The following RAB27B variants were observed in gnomAD, a reference collection of about 807,000 sequenced individuals.
The protein encoded by RAB27B is RAB27B, member RAS oncogene family.
In RAB27B, 15 loss-of-function variants were observed where a neutral mutation model predicts 24.6. The ratio of observed to expected loss-of-function variants is 0.61; its 90% CI spans 0.41 to 0.94. RAB27B has a LOEUF of 0.94. Among genes scored for constraint, RAB27B ranks in the 40% least tolerant of loss-of-function variants. The pLI is 0.00. For synonymous variants in RAB27B, 105 were observed against 92.5 expected, an observed-to-expected ratio of 1.14 and a Z score of -0.78; for missense variants, 261 against 266.8, an observed-to-expected ratio of 0.98 and a Z score of 0.15.
chr18:54,786,828 T>C (rs1317808598), intron 2 of RAB27B, among the ~76,000 whole-genome samples: 1 of 152,222 alleles, frequency 6.6e-6, no homozygotes, highest in Non-Finnish European at 1.5e-5. Context: ...GACAATTAAA[T>C]TCAGTTCAAT....
chr18:54,837,080 C>T (rs1041368634), intron 1 of RAB27B, among the ~76,000 whole-genome samples: 9 of 149,376 alleles, frequency 6.0e-5, no homozygotes, highest in African/African-American at 2.2e-4. Flanking sequence ...AGATATAGTT[C>T]CTACTCTTAA....
intron 3 of RAB27B, chr18:54,880,086 A>G (rs1021215586): frequency 3.2e-5 from 4 of 124,572 alleles, no homozygotes; most frequent in Non-Finnish European, 7.0e-5. Flanking sequence ...TTAAGGTCTA[A>G]ATAATTATAT....
At chr18:54,762,701 T>A (rs1325999190) in intron 2 of RAB27B, among the ~76,000 whole-genome samples, 1 of 152,168 alleles carries the variant, frequency 6.6e-6, no homozygotes, top group African/African-American at 2.4e-5. Flanking sequence ...GGTGATCTAA[T>A]TGAAAAAATC....
At chr18:54,864,783 C>T (rs1912146035) in intron 1 of RAB27B, among the ~76,000 whole-genome samples, 1 of 152,164 alleles carries the variant, frequency 6.6e-6, no homozygotes. Flanking sequence ...GCCAGTGCTA[C>T]ACTCTCTTGA....
chr18:54,802,600 C>T (rs1054826123), intron 2 of RAB27B, among the ~76,000 whole-genome samples: 2 of 152,178 alleles, frequency 1.3e-5, no homozygotes, highest in African/African-American at 2.4e-5. Flanking sequence ...TTACACTTCC[C>T]TATTTTCCTA....
intron 2 of RAB27B, among the ~76,000 whole-genome samples, chr18:54,791,659 A>G (rs892909141): frequency 2.0e-4 from 31 of 152,118 alleles, no homozygotes; most frequent in African/African-American, 7.2e-4. Context: ...ACGCGCAAAT[A>G]TTGCATTTTC....
chr18:54,884,272 GTGT>G, intron 3 of RAB27B, 58 bp from the exon 4 acceptor site: 1 of 998,914 alleles, frequency 1.0e-6, no homozygotes, highest in Non-Finnish European at 1.6e-6. Context: ...ACTGTTATTT[GTGT>G]TGTTGTCAAA....
At chr18:54,873,684 C>CGTGTGTGT (rs1306823681) in intron 1 of RAB27B, among the ~76,000 whole-genome samples, 3 of 87,756 alleles carry the variant, frequency 3.4e-5, no homozygotes. Context: ...TGAGCCAAAT[C>CGTGTGTGT]CTGTGTGTGT....
chr18:54,745,743 T>A (rs944780362), intron 2 of RAB27B, among the ~76,000 whole-genome samples: 1 of 149,188 alleles, frequency 6.7e-6, no homozygotes, highest in Non-Finnish European at 1.5e-5. Context: ...TATTGGGATA[T>A]GTATTCATAA....
chr18:54,727,956 A>G (rs530464999), intron 2 of RAB27B, among the ~76,000 whole-genome samples: 1 of 152,290 alleles, frequency 6.6e-6, no homozygotes, highest in Non-Finnish European at 1.5e-5. Context: ...CAGCTCCCTG[A>G]CTACAGCTAA....
At chr18:54,805,309 A>G (rs371871173) in intron 2 of RAB27B, among the ~76,000 whole-genome samples, 86 of 152,310 alleles carry the variant, frequency 5.6e-4, no homozygotes, top group African/African-American at 1.9e-3. Context: ...GGGAAAGGCT[A>G]TGCTAGAAAA....
intron 2 of RAB27B, among the ~76,000 whole-genome samples, chr18:54,775,357 C>T (rs1392326894): frequency 1.4e-4 from 22 of 152,208 alleles, no homozygotes; most frequent in Admixed American, 1.3e-3. Context: ...CATTACTCTT[C>T]CAGAAAACAG....
At chr18:54,805,870 C>T (rs3909228) in intron 2 of RAB27B, among the ~76,000 whole-genome samples, 145,071 of 152,242 alleles carry the variant, frequency 0.95, 69,551 homozygotes, top group East Asian at 1. Flanking sequence ...TTTTATTCCA[C>T]TGGAAATTAT....
chr18:54,721,327 A>G (rs1205953698), intron 2 of RAB27B, among the ~76,000 whole-genome samples: 1 of 152,174 alleles, frequency 6.6e-6, no homozygotes, highest in South Asian at 2.1e-4. Context: ...CGATTAATAT[A>G]CCTTCACTCC....
At chr18:54,871,883 G>A (rs1169886856) in intron 1 of RAB27B, among the ~76,000 whole-genome samples, 1 of 151,186 alleles carries the variant, frequency 6.6e-6, no homozygotes, top group African/African-American at 2.4e-5. Flanking sequence ...ATATTAAGTT[G>A]GTTTCTGTTA....
At chr18:54,809,816 A>G (rs1420704938) in intron 2 of RAB27B, among the ~76,000 whole-genome samples, 4 of 152,226 alleles carry the variant, frequency 2.6e-5, no homozygotes, top group Admixed American at 2.0e-4. Context: ...CTACATTAAG[A>G]TTAATTTCTT....
At chr18:54,722,998 A>G (rs1909408597) in intron 2 of RAB27B, among the ~76,000 whole-genome samples, 1 of 152,250 alleles carries the variant, frequency 6.6e-6, no homozygotes, top group Non-Finnish European at 1.5e-5. Flanking sequence ...AAAGTCTGGC[A>G]TAGAAAAGAG....
At chr18:54,795,723 T>A (rs959182406) in intron 2 of RAB27B, among the ~76,000 whole-genome samples, 4 of 152,148 alleles carry the variant, frequency 2.6e-5, no homozygotes, top group Non-Finnish European at 5.9e-5. Context: ...AGGGTCAATT[T>A]CTATGTATAT....
At chr18:54,804,451 A>G (rs1018143225) in intron 2 of RAB27B, among the ~76,000 whole-genome samples, 4 of 152,202 alleles carry the variant, frequency 2.6e-5, no homozygotes, top group African/African-American at 7.2e-5. Context: ...CCAAGTTAGA[A>G]GTGCCTTTTG....
Sources: gnomAD v4.1 joint callset for allele counts (sites outside exome capture counted in the v4.1 genomes callset) on GRCh38, gnomAD v4.1.1 for gene constraint, MANE v1.5 for transcripts, NCBI Gene and HGNC (gene_info 2026-07-23, HGNC 2026-07-21) for gene names.